DEPTOR: variants seen among roughly 807,000 people sequenced by gnomAD.
The protein encoded by DEPTOR is DEP domain-containing mTOR-interacting protein.
In DEPTOR, 41 loss-of-function variants were observed where a neutral mutation model predicts 41.6. The ratio of observed to expected loss-of-function variants is 0.98; its 90% confidence interval spans 0.77 to 1.28. The LOEUF (loss-of-function observed/expected upper bound fraction) is 1.28. DEPTOR is among the 50% of genes most tolerant of loss of function. The pLI, the probability that DEPTOR is intolerant of heterozygous loss-of-function variation, is 0.00. For synonymous variants in DEPTOR, 195 were observed against 192.3 expected (o/e 1.01, Z -0.12); for missense variants, 514 against 527.9 (o/e 0.97, Z 0.26).
chr8:120,049,624 GACT>G lies in DEPTOR; in HGVS notation c.1153_1155del (p.Tyr385del), dbSNP rs753985067. The G allele has an allele frequency of 4.3e-6, 7 of 1,613,940 alleles. No homozygotes were observed. In the South Asian group the frequency reaches 6.6e-5, roughly 15 times the overall value. The stretch of plus-strand genomic sequence containing the variant: ...CAACGGGCTCAATGTCCTGCATGTA[GACT>G]ACCGGACCGTGAGCAATCTGATTCT... On this transcript the variant is annotated inframe_deletion, in exon 9 of 9. Coordinates refer to ENST00000286234, the MANE Select transcript of DEPTOR (RefSeq NM_022783.4).
chr8:119,955,441 A>G (rs544028826), intron 3 of DEPTOR, among the ~76,000 whole-genome samples: 2 of 151,918 alleles, frequency 1.3e-5, no homozygotes, highest in East Asian at 1.9e-4. Flanking sequence ...GTTTAGTTCC[A>G]TAATCCATTT....
At chr8:120,035,981 C>T (rs1812974361) in intron 8 of DEPTOR, among the ~76,000 whole-genome samples, 1 of 152,240 alleles carries the variant, frequency 6.6e-6, no homozygotes, top group Non-Finnish European at 1.5e-5. Flanking sequence ...CAAATTCTCC[C>T]TTCAGCCTGA....
At chr8:120,006,503 G>T (rs1369671595) in intron 6 of DEPTOR, among the ~76,000 whole-genome samples, 1 of 151,304 alleles carries the variant, frequency 6.6e-6, no homozygotes, top group Non-Finnish European at 1.5e-5. Context: ...CATCCTGGGT[G>T]ACAAGGGCAA....
intron 4 of DEPTOR, among the ~76,000 whole-genome samples, chr8:119,980,790 T>C (rs1828757490): frequency 6.6e-6 from 1 of 152,144 alleles, no homozygotes; most frequent in African/African-American, 2.4e-5. Flanking sequence ...AGTGCTGGGA[T>C]TACAGGTGTG....
chr8:119,933,502 T>C (rs1210601429), intron 3 of DEPTOR, among the ~76,000 whole-genome samples: 6 of 113,338 alleles, frequency 5.3e-5, no homozygotes, highest in African/African-American at 1.0e-4. Context: ...ACACACACAA[T>C]GTTTATTATT....
At chr8:120,006,392 T>A (rs569555320) in intron 6 of DEPTOR, among the ~76,000 whole-genome samples, 1 of 152,084 alleles carries the variant, frequency 6.6e-6, no homozygotes, top group South Asian at 2.1e-4. Flanking sequence ...GATATGGTGT[T>A]GGGTGCCTGT....
chr8:119,994,952 AAAG>A (rs955932435), intron 4 of DEPTOR, among the ~76,000 whole-genome samples: 6 of 151,954 alleles, frequency 3.9e-5, no homozygotes, highest in African/African-American at 9.6e-5. Flanking sequence ...AAGAAAAAAA[AAAG>A]AAGAATTAGA....
intron 1 of DEPTOR, among the ~76,000 whole-genome samples, chr8:119,904,626 G>T (rs1827638817): frequency 6.6e-6 from 1 of 152,102 alleles, no homozygotes; most frequent in South Asian, 2.1e-4. Flanking sequence ...CTCCCAAGTA[G>T]CTGGGATTAC....
At chr8:119,961,202 A>C (rs1203607248) in intron 3 of DEPTOR, among the ~76,000 whole-genome samples, 1 of 151,800 alleles carries the variant, frequency 6.6e-6, no homozygotes, top group Non-Finnish European at 1.5e-5. Flanking sequence ...GGATCACCTG[A>C]GGTTGGGAGT....
chr8:119,921,748 G>GTT (rs1282897659), intron 1 of DEPTOR, among the ~76,000 whole-genome samples: 1,728 of 130,546 alleles, frequency 0.013, 150 homozygotes, highest in South Asian at 0.052. Flanking sequence ...CTATTCTGTA[G>GTT]TTTTTTTTTT....
intron 7 of DEPTOR, among the ~76,000 whole-genome samples, chr8:120,008,527 CAA>C (rs35570467): frequency 8.0e-5 from 8 of 99,700 alleles, no homozygotes; most frequent in Non-Finnish European, 9.6e-5. Context: ...GACTCTGTCT[CAA>C]AAAAAAAAAA....
In DEPTOR at chr8:119,916,850, G is replaced by A. The variant is rs186831873; in HGVS notation, c.123-11550G>A. ...CAAGGACTAGAGTCCTTTATCATTT[G>A]TTTATTTATTTGGTCGGTTGTTTGT... On this transcript the variant is annotated intron_variant, in intron 1 of 8. Transcript: ENST00000286234. 2.0e-3 allele frequency among the ~76,000 whole-genome samples: 306 copies of A among 152,312 alleles called. 3 individuals are homozygous for A. The highest frequency in any genetic ancestry group is 3.5e-3 in the Non-Finnish European group (238 of 68,010).
chr8:119,884,762 T>TG (rs1340038262), intron 1 of DEPTOR, among the ~76,000 whole-genome samples: 1 of 151,868 alleles, frequency 6.6e-6, no homozygotes, highest in Non-Finnish European at 1.5e-5. Flanking sequence ...CTCTCTCTGT[T>TG]GCTCAGGCTG....
intron 4 of DEPTOR, among the ~76,000 whole-genome samples, chr8:119,990,348 G>A (rs1812135368): frequency 1.3e-5 from 2 of 152,064 alleles, no homozygotes; most frequent in African/African-American, 2.4e-5. Context: ...TAGTAGAGAC[G>A]GGGTTTCATC....
At chr8:120,036,341 C>A (rs1202322798) in intron 8 of DEPTOR, among the ~76,000 whole-genome samples, 1 of 152,146 alleles carries the variant, frequency 6.6e-6, no homozygotes, top group African/African-American at 2.4e-5. Context: ...AGGTCAATTG[C>A]ACAGTCTGTT....
intron 1 of DEPTOR, among the ~76,000 whole-genome samples, chr8:119,886,448 C>T (rs1439038741): frequency 8.3e-6 from 1 of 120,666 alleles, no homozygotes; most frequent in East Asian, 2.6e-4. Context: ...CCCCAGTACA[C>T]ACACACAGAC....
At chr8:120,029,114 T>G (rs1344716615) in intron 8 of DEPTOR, among the ~76,000 whole-genome samples, 1 of 151,792 alleles carries the variant, frequency 6.6e-6, no homozygotes, top group Non-Finnish European at 1.5e-5. Flanking sequence ...CTCATCTTGG[T>G]TACTTTGAAT....
chr8:119,893,211 A>C (rs143513548), intron 1 of DEPTOR, among the ~76,000 whole-genome samples: 1 of 152,316 alleles, frequency 6.6e-6, no homozygotes, highest in African/African-American at 2.4e-5. Flanking sequence ...TGGGACAAAA[A>C]GTTATTTGAT....
intron 8 of DEPTOR, among the ~76,000 whole-genome samples, chr8:120,016,312 T>G (rs1463753989): frequency 3.3e-5 from 5 of 152,040 alleles, no homozygotes; most frequent in Non-Finnish European, 7.4e-5. Context: ...TTTCCTTTTT[T>G]TTTGAGATGG....
Sources: gnomAD v4.1 joint callset for allele counts (sites outside exome capture counted in the v4.1 genomes callset) on GRCh38, gnomAD v4.1.1 for gene constraint, MANE v1.5 for transcripts, NCBI Gene and HGNC (gene_info 2026-07-23, HGNC 2026-07-21) for gene names.